The following CTNNA2 variants were observed in gnomAD, a reference collection of about 807,000 sequenced individuals.
CTNNA2 encodes the protein catenin alpha 2.
In CTNNA2, 42 loss-of-function variants were observed where a neutral mutation model predicts 101.0. The ratio of observed to expected loss-of-function variants is 0.42; its 90% CI spans 0.32 to 0.54. CTNNA2 has a LOEUF of 0.54. CTNNA2 is among the 20% of genes least tolerant of loss of function. The pLI, the probability that CTNNA2 is intolerant of heterozygous loss-of-function variation, is 0.14. For synonymous variants in CTNNA2, 450 were observed against 456.4 expected (o/e 0.99, Z 0.18); for missense variants, 871 against 1,223.1 (o/e 0.71, Z 4.29).
intron 1 of CTNNA2, among the ~76,000 whole-genome samples, chr2:79,606,679 C>A (rs1677916925): frequency 6.6e-6 from 1 of 152,110 alleles, no homozygotes; most frequent in Admixed American, 6.5e-5. Context: ...AATGTCAGTG[C>A]CCTATTTTAA....
At chr2:80,454,373 G>A (rs774488508) in intron 9 of CTNNA2, among the ~76,000 whole-genome samples, 6 of 152,082 alleles carry the variant, frequency 3.9e-5, no homozygotes, top group Non-Finnish European at 7.4e-5. Flanking sequence ...CGGGAGTTCT[G>A]GGTTCAGACT....
chr2:79,241,601 C>T (rs1674626019), intron 2 of CTNNA2, among the ~76,000 whole-genome samples: 1 of 152,118 alleles, frequency 6.6e-6, no homozygotes, highest in African/African-American at 2.4e-5. Context: ...TTCATTTATT[C>T]ACTGTATTCC....
intron 3 of CTNNA2, among the ~76,000 whole-genome samples, chr2:79,812,498 C>T (rs536849324): frequency 6.6e-6 from 1 of 152,118 alleles, no homozygotes; most frequent in African/African-American, 2.4e-5. Flanking sequence ...TCACAATGAT[C>T]ACAGTAAAAG....
chr2:80,540,078 TTGA>T (rs1691414609), intron 9 of CTNNA2, among the ~76,000 whole-genome samples: 2 of 152,162 alleles, frequency 1.3e-5, no homozygotes, highest in Non-Finnish European at 2.9e-5. Context: ...TTGCAATGTA[TTGA>T]TGATATATTG....
intron 12 of CTNNA2, among the ~76,000 whole-genome samples, chr2:80,565,520 CTT>C (rs57112998): frequency 6.9e-6 from 1 of 145,686 alleles, no homozygotes. Flanking sequence ...TTATGCTCAC[CTT>C]TTTTTTTTTT....
chr2:79,207,159 G>A (rs1208076056), intron 2 of CTNNA2, among the ~76,000 whole-genome samples: 1 of 152,126 alleles, frequency 6.6e-6, no homozygotes, highest in Non-Finnish European at 1.5e-5. Flanking sequence ...AAATTATTAT[G>A]ACAAAATCTA....
At chr2:79,265,733 T>C (rs1674978929) in intron 2 of CTNNA2, among the ~76,000 whole-genome samples, 1 of 152,214 alleles carries the variant, frequency 6.6e-6, no homozygotes, top group Admixed American at 6.5e-5. Context: ...TCAGAAGTCA[T>C]GACAAACTTG....
At chr2:80,620,503 T>C (rs1357974971) in intron 18 of CTNNA2, among the ~76,000 whole-genome samples, 1 of 151,866 alleles carries the variant, frequency 6.6e-6, no homozygotes, top group Non-Finnish European at 1.5e-5. Flanking sequence ...TTTTCTAACC[T>C]AAATAAGTGA....
chr2:80,366,564 T>C (rs1028338262), intron 7 of CTNNA2, among the ~76,000 whole-genome samples: 1 of 152,172 alleles, frequency 6.6e-6, no homozygotes, highest in Non-Finnish European at 1.5e-5. Context: ...GGCTGTCACA[T>C]GGTTATTTAG....
intron 7 of CTNNA2, among the ~76,000 whole-genome samples, chr2:80,251,166 T>C (rs573899758): frequency 6.6e-6 from 1 of 152,312 alleles, no homozygotes; most frequent in Non-Finnish European, 1.5e-5. Context: ...TTAGTAGCAC[T>C]GATGCAGGGC....
chr2:80,313,532 C>T (rs1366499306), intron 7 of CTNNA2: 5 of 1,605,770 alleles, frequency 3.1e-6, no homozygotes, highest in South Asian at 1.1e-5. Context: ...TGAGCAAGAC[C>T]AGGTAGAGGA....
At chr2:80,399,887 T>G (rs996757123) in intron 8 of CTNNA2, among the ~76,000 whole-genome samples, 5 of 152,178 alleles carry the variant, frequency 3.3e-5, no homozygotes, top group Non-Finnish European at 5.9e-5. Context: ...GTGACTGAAA[T>G]AACAAAGATT....
chr2:80,459,340 C>A (rs952201634), intron 9 of CTNNA2, among the ~76,000 whole-genome samples: 1 of 152,106 alleles, frequency 6.6e-6, no homozygotes, highest in Non-Finnish European at 1.5e-5. Context: ...AGTTGACCTG[C>A]TGAGGTGCTG....
At chr2:79,433,136 C>G (rs1318053713) in intron 4 of CTNNA2, among the ~76,000 whole-genome samples, 1 of 152,178 alleles carries the variant, frequency 6.6e-6, no homozygotes, top group Non-Finnish European at 1.5e-5. Context: ...CAGCTCACTC[C>G]CCTCAGCCTG....
chr2:79,904,126 A>C (rs1056241429), intron 6 of CTNNA2, among the ~76,000 whole-genome samples: 5 of 152,114 alleles, frequency 3.3e-5, no homozygotes, highest in Non-Finnish European at 7.4e-5. Context: ...TTTAAGTCTC[A>C]GCTGAGGGAT....
At chr2:79,592,997 C>T (rs1676958680) in intron 1 of CTNNA2, among the ~76,000 whole-genome samples, 1 of 152,140 alleles carries the variant, frequency 6.6e-6, no homozygotes, top group East Asian at 1.9e-4. Context: ...AGCCAAGCTA[C>T]GCATAGTTTT....
chr2:79,788,019 C>T (rs1038041715), intron 3 of CTNNA2, among the ~76,000 whole-genome samples: 7 of 152,160 alleles, frequency 4.6e-5, no homozygotes, highest in South Asian at 4.2e-4. Flanking sequence ...TAGATGAATG[C>T]GAAAGAAGTT....
At chr2:80,147,953 T>C (rs1703453846) in intron 7 of CTNNA2, among the ~76,000 whole-genome samples, 1 of 152,234 alleles carries the variant, frequency 6.6e-6, no homozygotes, top group African/African-American at 2.4e-5. Context: ...CTCATCTGTC[T>C]TTATTAAATG....
At chr2:79,501,829 G>T (rs1671322727) in intron 4 of CTNNA2, among the ~76,000 whole-genome samples, 1 of 152,096 alleles carries the variant, frequency 6.6e-6, no homozygotes, top group South Asian at 2.1e-4. Context: ...GCATTAATTG[G>T]GAAAGAATGG....
Sources: allele counts gnomAD v4.1 joint callset (sites outside exome capture counted in the v4.1 genomes callset), GRCh38; gene constraint gnomAD v4.1.1; transcripts MANE v1.5; gene names NCBI Gene and HGNC (gene_info 2026-07-23, HGNC 2026-07-21).